GABBR2: variants seen among roughly 807,000 people sequenced by gnomAD.
The protein encoded by GABBR2 is gamma-aminobutyric acid type B receptor subunit 2, also known as G-protein coupled receptor 51.
A neutral mutation model predicts 105.6 loss-of-function variants in GABBR2; 23 were observed. The ratio of observed to expected loss-of-function variants is 0.22; its 90% CI spans 0.16 to 0.31. GABBR2 has a LOEUF of 0.31. Among genes scored for constraint, GABBR2 ranks in the 10% least tolerant of loss-of-function variants. The pLI is 1.00. For synonymous variants in GABBR2, 478 were observed against 499.7 expected (o/e 0.96, Z 0.58); for missense variants, 734 against 1,245.5 (o/e 0.59, Z 6.18).
intron 3 of GABBR2, among the ~76,000 whole-genome samples, chr9:98,513,611 C>A (rs1276570441): frequency 6.6e-6 from 1 of 151,594 alleles, no homozygotes; most frequent in East Asian, 1.9e-4. Flanking sequence ...TGAACAGACA[C>A]TTCTCAAAAG....
At chr9:98,422,070 G>A (rs1564061970) in intron 7 of GABBR2, among the ~76,000 whole-genome samples, 1 of 152,054 alleles carries the variant, frequency 6.6e-6, no homozygotes, top group South Asian at 2.1e-4. Context: ...TAAAATCAAC[G>A]TGGTCTTAAC....
At chr9:98,556,348 C>T in intron 2 of GABBR2, among the ~76,000 whole-genome samples, 1 of 152,112 alleles carries the variant, frequency 6.6e-6, no homozygotes, top group East Asian at 1.9e-4. Context: ...GACACCGGGG[C>T]TCGAGAAGAA....
intron 1 of GABBR2, among the ~76,000 whole-genome samples, chr9:98,701,336 GGTGC>G (rs1376698535): frequency 6.6e-6 from 1 of 152,186 alleles, no homozygotes; most frequent in Non-Finnish European, 1.5e-5. Flanking sequence ...TATGTCCGTG[GGTGC>G]CTGGCTAGGT....
intron 3 of GABBR2, among the ~76,000 whole-genome samples, chr9:98,522,066 A>G (rs1158143424): frequency 6.6e-6 from 1 of 152,192 alleles, no homozygotes; most frequent in Non-Finnish European, 1.5e-5. Context: ...CATAGTTAAT[A>G]TAATAATGAC....
intron 8 of GABBR2, among the ~76,000 whole-genome samples, chr9:98,394,713 C>A (rs1832255674): frequency 6.6e-6 from 1 of 152,192 alleles, no homozygotes; most frequent in South Asian, 2.1e-4. Context: ...CTCCTCTTTA[C>A]AGAACAGCAC....
At chr9:98,422,717 C>T (rs868163713) in intron 7 of GABBR2, among the ~76,000 whole-genome samples, 30 of 151,624 alleles carry the variant, frequency 2.0e-4, no homozygotes, top group Non-Finnish European at 2.5e-4. Flanking sequence ...CCCATTAACT[C>T]GTCATTTAGC....
intron 2 of GABBR2, among the ~76,000 whole-genome samples, chr9:98,550,037 C>T (rs1434913105): frequency 6.6e-6 from 1 of 152,188 alleles, no homozygotes; most frequent in Non-Finnish European, 1.5e-5. Flanking sequence ...CAAGGTGAAG[C>T]AGCTTTGACC....
At chr9:98,298,988 T>C (rs1208128148) in intron 17 of GABBR2, among the ~76,000 whole-genome samples, 3 of 152,234 alleles carry the variant, frequency 2.0e-5, no homozygotes, top group Non-Finnish European at 4.4e-5. Context: ...GGTGTGGAAC[T>C]GCAAGCCGAG....
At chr9:98,694,465 G>A (rs1279094077) in intron 1 of GABBR2, among the ~76,000 whole-genome samples, 1 of 152,240 alleles carries the variant, frequency 6.6e-6, no homozygotes, top group Admixed American at 6.5e-5. Context: ...TCTTCGGTAA[G>A]ACAGCCTGCT....
intron 13 of GABBR2, among the ~76,000 whole-genome samples, chr9:98,323,888 G>C (rs1471685775): frequency 1.3e-5 from 2 of 152,198 alleles, no homozygotes; most frequent in Admixed American, 1.3e-4. Flanking sequence ...CTCTAAATCA[G>C]GACTCTGTAC....
intron 1 of GABBR2, among the ~76,000 whole-genome samples, chr9:98,593,232 T>C (rs986708872): frequency 1.3e-5 from 2 of 152,174 alleles, no homozygotes; most frequent in African/African-American, 2.4e-5. Context: ...ATTTCCGGAA[T>C]GTTTTCATTA....
chr9:98,304,208 T>G (rs1830514072), intron 15 of GABBR2: 1 of 152,464 alleles, frequency 6.6e-6, no homozygotes. Context: ...CATGGCCTGC[T>G]GGGCTTTGAG....
At chr9:98,485,606 G>C (rs957096066) in intron 4 of GABBR2, among the ~76,000 whole-genome samples, 1 of 152,134 alleles carries the variant, frequency 6.6e-6, no homozygotes, top group Non-Finnish European at 1.5e-5. Context: ...CAGTTTGCAA[G>C]CAATCCTAAC....
intron 13 of GABBR2, among the ~76,000 whole-genome samples, chr9:98,360,946 C>T (rs146390512): frequency 4.1e-3 from 624 of 152,296 alleles, no homozygotes; most frequent in African/African-American, 0.014. Flanking sequence ...CACTGTGCCT[C>T]GTTCTGTCCA....
At chr9:98,479,213 C>A (rs1826859016) in intron 5 of GABBR2, among the ~76,000 whole-genome samples, 1 of 152,110 alleles carries the variant, frequency 6.6e-6, no homozygotes. Context: ...TAAAACTTGC[C>A]AGTAAATGGT....
chr9:98,407,199 T>G (rs1832506846), intron 7 of GABBR2, among the ~76,000 whole-genome samples: 1 of 152,242 alleles, frequency 6.6e-6, no homozygotes, highest in Non-Finnish European at 1.5e-5. Context: ...CTCACTGTTA[T>G]GCTTTTGTGT....
Position 98,439,376 on chromosome 9 carries a change from G to A in GABBR2, c.1236+14605C>T, listed in dbSNP as rs779331752. 6.2e-4 allele frequency among the ~76,000 whole-genome samples: 94 copies of A among 152,084 alleles called. 1 individual carries two copies. Among genetic ancestry groups the A allele is most frequent in the Admixed American group, 7.9e-4 (12 of 15,272 alleles). On this transcript the variant is annotated intron_variant, in intron 7 of 18. Coordinates refer to ENST00000259455, the MANE Select transcript of GABBR2 (RefSeq NM_005458.8). ...TTCTTCTTTGTTACTGCAGAAATTT[G>A]CTTACTAATTTTTAAATCCAAAGGG...
chr9:98,488,872 C>A (rs1010442512), intron 4 of GABBR2, among the ~76,000 whole-genome samples: 4 of 152,148 alleles, frequency 2.6e-5, no homozygotes, highest in Non-Finnish European at 4.4e-5. Context: ...AATCTCAGCT[C>A]AGTCACTTAA....
chr9:98,407,078 A>G (rs1194562177), intron 7 of GABBR2, among the ~76,000 whole-genome samples: 1 of 152,242 alleles, frequency 6.6e-6, no homozygotes, highest in Non-Finnish European at 1.5e-5. Flanking sequence ...TTTAATGTCC[A>G]TGCTACTTCA....
Sources: allele counts gnomAD v4.1 joint callset (sites outside exome capture counted in the v4.1 genomes callset), GRCh38; gene constraint gnomAD v4.1.1; transcripts MANE v1.5; gene names NCBI Gene and HGNC (gene_info 2026-07-23, HGNC 2026-07-21).